The following NEK7 variants were observed in gnomAD, a reference collection of about 807,000 sequenced individuals.
NEK7 encodes NIMA related kinase 7.
Under a neutral mutation model 44.6 loss-of-function variants are expected in NEK7, and 18 were observed. The ratio of observed to expected loss-of-function variants is 0.40; its 90% CI spans 0.28 to 0.60. The LOEUF (loss-of-function observed/expected upper bound fraction) is 0.60. Among genes scored for constraint, NEK7 ranks in the 20% least tolerant of loss-of-function variants. The probability of loss-of-function intolerance (pLI) is 0.38; values close to 1 mark genes in which losing one functional copy is unlikely to be tolerated. For missense variants in NEK7, 256 were observed against 366.5 expected (o/e 0.70, Z 2.46); for synonymous variants, 130 against 121.1 (o/e 1.07, Z -0.48).
chr1:198,314,078 C>T (rs1372091720), intron 9 of NEK7, among the ~76,000 whole-genome samples: 5 of 152,252 alleles, frequency 3.3e-5, no homozygotes, highest in Admixed American at 1.3e-4. Context: ...ACCAATCAGA[C>T]GTAGATTTGG....
intron 7 of NEK7, among the ~76,000 whole-genome samples, chr1:198,281,042 TCAC>T (rs1161784265): frequency 1.3e-5 from 2 of 151,908 alleles, no homozygotes; most frequent in African/African-American, 4.8e-5. Flanking sequence ...AAACTAAAGT[TCAC>T]TAAGCATAGT....
chr1:198,172,504 G>A (rs920847786), intron 1 of NEK7, among the ~76,000 whole-genome samples: 6 of 152,124 alleles, frequency 3.9e-5, no homozygotes, highest in African/African-American at 1.4e-4. Context: ...AGACTTAGGA[G>A]GAGCAAACTT....
intron 1 of NEK7, among the ~76,000 whole-genome samples, chr1:198,222,765 C>G (rs1287971880): frequency 6.6e-6 from 1 of 151,930 alleles, no homozygotes; most frequent in East Asian, 1.9e-4. Flanking sequence ...CAGTCTCGCC[C>G]TCTGCTACTT....
chr1:198,319,028 CTG>C (rs1405382230), intron 9 of NEK7, among the ~76,000 whole-genome samples: 1 of 151,890 alleles, frequency 6.6e-6, no homozygotes, highest in Non-Finnish European at 1.5e-5. Context: ...ACAATTAAGT[CTG>C]TTGTAGTAGA....
At chr1:198,197,330 T>G (rs962330920) in intron 1 of NEK7, among the ~76,000 whole-genome samples, 1 of 152,190 alleles carries the variant, frequency 6.6e-6, no homozygotes, top group Non-Finnish European at 1.5e-5. Context: ...AGAGAAAGAA[T>G]TAATGTATGT....
In NEK7 at chr1:198,297,177, A is replaced by G. The variant is rs775369930; in HGVS notation, c.735A>G (p.Ser245=). The part of the protein sequence containing the change: ...PFYGDKMNLY[S]LCKKIEQCDY... Reference sequence around the variant, plus strand: ...ATGGTGACAAAATGAATTTATACTCACTGTGTAAGAAGATAGAACAGTGTG... The same window carrying G: ...ATGGTGACAAAATGAATTTATACTCGCTGTGTAAGAAGATAGAACAGTGTG... The change falls in exon 9 of 10, where the codon TCA becomes TCG. Residue 245 remains serine (S), a synonymous_variant. Coordinates refer to ENST00000367385, the MANE Select transcript of NEK7 (RefSeq NM_133494.3). 2 of 1,613,548 alleles carry G rather than the reference A, an allele frequency of 1.2e-6. No homozygotes were observed. Among genetic ancestry groups the G allele is most frequent in the South Asian group, 2.2e-5 (2 of 91,070 alleles).
In NEK7 at chr1:198,319,779, TA is replaced by T; in HGVS notation, c.*258del. Reference sequence around the variant, plus strand: ...TGATGGTTTTGAATGGCTAAAGGTTTATAGAATTTCTTACAGTTTTCTGCTG... The same window carrying T: ...TGATGGTTTTGAATGGCTAAAGGTTTTAGAATTTCTTACAGTTTTCTGCTG... On this transcript the variant is annotated 3_prime_UTR_variant, in exon 10 of 10. Transcript: ENST00000367385. The T allele has an allele frequency of 3.2e-6, 1 of 311,466 alleles. No homozygotes were observed. Among genetic ancestry groups the T allele is most frequent in the Non-Finnish European group, 5.9e-6 (1 of 169,084 alleles). 19.3% of individuals were successfully genotyped at this position (311,466 alleles called of 1,614,324 possible). A position where few individuals can be genotyped will look rare whatever the true frequency, so the allele number is the denominator to read the frequency against.
chr1:198,319,740 G>T lies in NEK7; in HGVS notation c.*218G>T. 2.4e-6 allele frequency: 1 copy of T among 424,250 alleles called. No individual in the cohort carries two copies. Among genetic ancestry groups the T allele is most frequent in the Non-Finnish European group, 4.1e-6 (1 of 241,780 alleles). 26.3% of individuals were successfully genotyped at this position (424,250 alleles called of 1,614,324 possible). ...GGAATAACTGAATTGCATGTTAGGAGAGAAAATGAAACATGATGGTTTTGA... is the reference window on the plus strand; with the variant it reads ...GGAATAACTGAATTGCATGTTAGGATAGAAAATGAAACATGATGGTTTTGA... On this transcript the variant is annotated 3_prime_UTR_variant, in exon 10 of 10. Transcript: ENST00000367385.
In NEK7 at chr1:198,321,844, TATTG is replaced by T. The variant is rs1028787068; in HGVS notation, c.*2326_*2329del. 2 of 152,142 alleles carry T rather than the reference TATTG, an allele frequency of 1.3e-5. No individual in the cohort carries two copies. The highest frequency in any genetic ancestry group is 4.1e-4 in the South Asian group (2 of 4,838). The allele number at this position is 152,142 out of a possible 1,614,324, so 9.4% of individuals were successfully genotyped here. A position where few individuals can be genotyped will look rare whatever the true frequency, so the allele number is the denominator to read the frequency against. On this transcript the variant is annotated 3_prime_UTR_variant, in exon 10 of 10. Coordinates refer to ENST00000367385, the MANE Select transcript of NEK7 (RefSeq NM_133494.3). ...TATATGTGTTCATAAGTAAATTTTA[TATTG>T]ATTAAGTTAAACTTTTGAATTGATT...
intron 9 of NEK7, among the ~76,000 whole-genome samples, chr1:198,307,209 C>A (rs1325326003): frequency 6.6e-6 from 1 of 151,968 alleles, no homozygotes; most frequent in East Asian, 1.9e-4. Flanking sequence ...ATTAATAGTT[C>A]CTCACAGAAG....
At chr1:198,190,510 A>G (rs1178180977) in intron 1 of NEK7, among the ~76,000 whole-genome samples, 1 of 149,618 alleles carries the variant, frequency 6.7e-6, no homozygotes, top group African/African-American at 2.4e-5. Flanking sequence ...TTTACTAAAT[A>G]AAATTGAACA....
At chr1:198,295,647 A>G (rs1246242050) in intron 8 of NEK7, among the ~76,000 whole-genome samples, 1 of 151,398 alleles carries the variant, frequency 6.6e-6, no homozygotes, top group African/African-American at 2.4e-5. Context: ...AACACTCTGC[A>G]GTACTGAGAA....
intron 3 of NEK7, among the ~76,000 whole-genome samples, chr1:198,258,268 G>A (rs1329655641): frequency 3.9e-5 from 6 of 152,182 alleles, no homozygotes; most frequent in African/African-American, 7.2e-5. Flanking sequence ...GTGAAACCCT[G>A]TCTCTACTAA....
At chr1:198,164,805 C>G (rs936627070) in intron 1 of NEK7, among the ~76,000 whole-genome samples, 6 of 152,132 alleles carry the variant, frequency 3.9e-5, no homozygotes, top group African/African-American at 1.2e-4. Context: ...CTTGCCACAT[C>G]AATTGACTCT....
At chr1:198,187,638 C>G (rs759966253) in intron 1 of NEK7, among the ~76,000 whole-genome samples, 3 of 152,164 alleles carry the variant, frequency 2.0e-5, no homozygotes, top group Non-Finnish European at 4.4e-5. Context: ...GTCACAATGT[C>G]TGGAACACCC....
intron 5 of NEK7, 48 bp downstream of exon 5, chr1:198,264,283 T>C (rs1411413447): frequency 1.5e-6 from 2 of 1,348,094 alleles, no homozygotes; most frequent in Non-Finnish European, 2.1e-6. Context: ...TTTTTTTTTC[T>C]AATAGAATTG....
chr1:198,235,432 A>G (rs527860930), intron 2 of NEK7, among the ~76,000 whole-genome samples: 2 of 152,150 alleles, frequency 1.3e-5, no homozygotes, highest in East Asian at 3.9e-4. Context: ...TCTAGAAGGT[A>G]CTGAAAGGAT....
chr1:198,298,819 C>G (rs1247561508), intron 9 of NEK7, among the ~76,000 whole-genome samples: 1 of 152,142 alleles, frequency 6.6e-6, no homozygotes, highest in Admixed American at 6.6e-5. Context: ...TAGGAGATGC[C>G]GAGTGCAGCA....
chr1:198,276,400 T>C (rs1414434383), intron 5 of NEK7, among the ~76,000 whole-genome samples: 7 of 151,698 alleles, frequency 4.6e-5, no homozygotes, highest in Admixed American at 4.6e-4. Flanking sequence ...AGTCCTCTGA[T>C]ATGCTAATCC....
Sources: allele counts gnomAD v4.1 joint callset (sites outside exome capture counted in the v4.1 genomes callset), GRCh38; gene constraint gnomAD v4.1.1; transcripts MANE v1.5; gene names NCBI Gene and HGNC (gene_info 2026-07-23, HGNC 2026-07-21).